The following NLGN1 variants were observed in gnomAD, a reference collection of about 807,000 sequenced individuals.
NLGN1 encodes neuroligin-1.
In NLGN1, 12 loss-of-function variants were observed where a neutral mutation model predicts 65.5. The observed-to-expected ratio is 0.18, with a 90% confidence interval of 0.12 to 0.30. NLGN1 has a LOEUF of 0.30. NLGN1 is among the 10% of genes least tolerant of loss of function. The probability of loss-of-function intolerance (pLI) is 1.00; values close to 1 mark genes in which losing one functional copy is unlikely to be tolerated. For synonymous variants in NLGN1, 350 were observed against 359.5 expected, an observed-to-expected ratio of 0.97 and a Z score of 0.30; for missense variants, 750 against 1,007.1, an observed-to-expected ratio of 0.74 and a Z score of 3.46.
intron 1 of NLGN1, among the ~76,000 whole-genome samples, chr3:173,410,461 C>T (rs1712298023): frequency 6.6e-6 from 1 of 152,110 alleles, no homozygotes; most frequent in Non-Finnish European, 1.5e-5. Context: ...CTTTATTCAC[C>T]TGGAGTTTTT....
intron 2 of NLGN1, among the ~76,000 whole-genome samples, chr3:173,496,244 A>G (rs1044524500): frequency 6.6e-5 from 10 of 151,786 alleles, no homozygotes; most frequent in African/African-American, 2.4e-4. Flanking sequence ...GGCTGCCATC[A>G]TGGGCTCTTA....
At chr3:174,030,667 A>G (rs975270985) in intron 4 of NLGN1, among the ~76,000 whole-genome samples, 3 of 152,198 alleles carry the variant, frequency 2.0e-5, no homozygotes, top group African/African-American at 7.2e-5. Context: ...TGGGATATTT[A>G]AAAATGCTTA....
chr3:173,884,460 A>G (rs2150945309), intron 4 of NLGN1, among the ~76,000 whole-genome samples: 1 of 152,274 alleles, frequency 6.6e-6, no homozygotes, highest in African/African-American at 2.4e-5. Flanking sequence ...ATCTTTAAGT[A>G]AGTAGCATAA....
rs550771201 is a variant in NLGN1, at chr3:173,581,021, A to C, written c.-320-23258A>C. Among the ~76,000 whole-genome samples the C allele has an allele frequency of 1.6e-3, 238 of 152,116 alleles. 3 individuals are homozygous for C. The highest frequency in any genetic ancestry group is 5.5e-3 in the African/African-American group (228 of 41,556). On this transcript the variant is annotated intron_variant, in intron 2 of 6. Coordinates refer to ENST00000457714, the Ensembl canonical transcript of NLGN1. ...CCAAATTTCAGAAATATAATGGTAC[A>C]TCTGCTTCTTCTCCCTTATCTTTCT...
At chr3:173,774,162 A>G (rs906109843) in intron 3 of NLGN1, among the ~76,000 whole-genome samples, 44 of 152,202 alleles carry the variant, frequency 2.9e-4, no homozygotes, top group African/African-American at 1.0e-3. Flanking sequence ...TTATGACTTC[A>G]TATGTGTAAA....
intron 5 of NLGN1, among the ~76,000 whole-genome samples, chr3:174,277,993 G>C (rs905632368): frequency 4.6e-5 from 7 of 152,042 alleles, no homozygotes; most frequent in Admixed American, 2.0e-4. Context: ...TTAATGAGAA[G>C]ATAAAGTGTG....
At chr3:173,596,883 C>T (rs1749579950) in intron 2 of NLGN1, among the ~76,000 whole-genome samples, 1 of 152,142 alleles carries the variant, frequency 6.6e-6, no homozygotes, top group Non-Finnish European at 1.5e-5. Context: ...ATCTGTTCAA[C>T]ATTAGGATTA....
At chr3:173,967,026 T>G (rs747736422) in intron 4 of NLGN1, among the ~76,000 whole-genome samples, 49 of 152,234 alleles carry the variant, frequency 3.2e-4, no homozygotes, top group Non-Finnish European at 5.7e-4. Flanking sequence ...TGAGTCATAC[T>G]TAACATCTAA....
intron 4 of NLGN1, among the ~76,000 whole-genome samples, chr3:173,850,952 C>T (rs189333624): frequency 1.3e-4 from 20 of 151,852 alleles, no homozygotes; most frequent in Admixed American, 1.2e-3. Flanking sequence ...GCCATGTTGC[C>T]CAGGCTGTTC....
At chr3:173,800,290 T>G (rs1204470321) in intron 3 of NLGN1, 1 of 1,160,340 alleles carries the variant, frequency 8.6e-7, no homozygotes, top group Non-Finnish European at 1.1e-6. Context: ...TTCTCAATCC[T>G]AGGTCCCCTT....
chr3:173,985,407 A>T (rs1719673100), intron 4 of NLGN1, among the ~76,000 whole-genome samples: 2 of 152,152 alleles, frequency 1.3e-5, no homozygotes, highest in African/African-American at 4.8e-5. Context: ...ATTCTAAGGG[A>T]TTCAGGCCAA....
chr3:173,914,489 C>T (rs150417014), intron 4 of NLGN1, among the ~76,000 whole-genome samples: 1,675 of 151,646 alleles, frequency 0.011, 6 homozygotes, highest in Non-Finnish European at 0.017. Context: ...TATAATGAGC[C>T]TTAATGAATA....
intron 1 of NLGN1, among the ~76,000 whole-genome samples, chr3:173,422,322 A>G (rs1196588354): frequency 6.6e-6 from 1 of 152,204 alleles, no homozygotes; most frequent in East Asian, 1.9e-4. Context: ...TAAAAAGTTT[A>G]TCTCAAGGAG....
chr3:173,782,098 C>CTT lies in NLGN1; in HGVS notation c.494-25574_494-25573dup, dbSNP rs35107991. Among the ~76,000 whole-genome samples the CTT allele has an allele frequency of 4.8e-3, 715 of 150,510 alleles. 6 individuals carry two copies. The highest frequency in any genetic ancestry group is 0.017 in the African/African-American group (687 of 41,080). On this transcript the variant is annotated intron_variant, in intron 3 of 6. Transcript: ENST00000457714. ...ACTGTTGGAAGAGCTTTGGAAGTGT[C>CTT]TTTTTTTTTAGTTTTCTTTGTCTAG...
At chr3:173,451,243 GGA>G (rs1303450972) in intron 2 of NLGN1, among the ~76,000 whole-genome samples, 8 of 152,136 alleles carry the variant, frequency 5.3e-5, no homozygotes, top group African/African-American at 1.9e-4. Flanking sequence ...TTTTTGGTGT[GGA>G]TGTCCTTTCT....
At chr3:173,991,940 G>A (rs1721211900) in intron 4 of NLGN1, among the ~76,000 whole-genome samples, 1 of 152,004 alleles carries the variant, frequency 6.6e-6, no homozygotes, top group South Asian at 2.1e-4. Context: ...CAATTCTCCT[G>A]CCTCAGCCTC....
At chr3:173,789,313 T>C (rs1453594836) in intron 3 of NLGN1, among the ~76,000 whole-genome samples, 1 of 152,140 alleles carries the variant, frequency 6.6e-6, no homozygotes, top group Non-Finnish European at 1.5e-5. Context: ...CTGAAAATAA[T>C]ACAAATACAG....
chr3:174,190,378 A>C (rs1732162235), intron 4 of NLGN1, among the ~76,000 whole-genome samples: 1 of 152,012 alleles, frequency 6.6e-6, no homozygotes, highest in South Asian at 2.1e-4. Flanking sequence ...AAAAACATGC[A>C]ATTTTTGAAG....
chr3:173,652,065 G>A (rs140608086), intron 3 of NLGN1, among the ~76,000 whole-genome samples: 9 of 152,148 alleles, frequency 5.9e-5, no homozygotes, highest in East Asian at 1.9e-4. Context: ...ATGTGCTGGC[G>A]TTACAGGTGT....
Sources: gnomAD v4.1 joint callset for allele counts (sites outside exome capture counted in the v4.1 genomes callset) on GRCh38, gnomAD v4.1.1 for gene constraint, MANE v1.5 for transcripts, NCBI Gene and HGNC (gene_info 2026-07-23, HGNC 2026-07-21) for gene names.